Variants in PREX1 observed in about 807,000 individuals in gnomAD.
The protein encoded by PREX1 is phosphatidylinositol-3,4,5-trisphosphate dependent Rac exchange factor 1.
Under a neutral mutation model 198.3 loss-of-function variants are expected in PREX1, and 41 were observed. That is an observed-to-expected ratio of 0.21 (90% CI 0.16 to 0.27). PREX1 has a LOEUF of 0.27. PREX1 is among the 10% of genes least tolerant of loss of function. PREX1 has a pLI of 1.00. For missense variants in PREX1, 1,620 were observed against 2,200.7 expected (o/e 0.74, Z 5.28); for synonymous variants, 843 against 887.2 (o/e 0.95, Z 0.89).
At chr20:48,854,769 T>G in the PREX1 span, among the ~76,000 whole-genome samples, 4 of 152,206 alleles carry the variant, frequency 2.6e-5, no homozygotes, top group African/African-American at 9.6e-5. Context: ...TAGCCCAGGT[T>G]CAGAGACAGT....
intron 1 of PREX1, among the ~76,000 whole-genome samples, chr20:48,813,929 T>C (rs1423181550): frequency 2.0e-5 from 3 of 152,246 alleles, no homozygotes; most frequent in Non-Finnish European, 4.4e-5. Flanking sequence ...CTGTATTTAC[T>C]ACCTTTGTGT....
In PREX1 at chr20:48,700,759, T is replaced by C. The variant is rs773182996; in HGVS notation, c.911A>G (p.Lys304Arg). 1.2e-6 allele frequency: 2 copies of C among 1,612,932 alleles called. No homozygotes were observed. Among genetic ancestry groups the C allele is most frequent in the Admixed American group, 1.7e-5 (1 of 59,994 alleles). Residue 304 changes from lysine (K) to arginine (R), a missense_variant, in exon 7 of 40, where the codon AAA (lysine) becomes AGA (arginine). Lys to Arg is a conservative substitution (Grantham distance 26, BLOSUM62 2). Transcript: ENST00000371941. ...CAGCCTCCTGGCCACTCACCTGGATTTCCGCTTGCAGTAGACGAGAAGGTT... is the reference window on the plus strand; with the variant it reads ...CAGCCTCCTGGCCACTCACCTGGATCTCCGCTTGCAGTAGACGAGAAGGTT... ...FDNLLVYCKR[K>R]SRVTGSKKST...
At chr20:48,733,714 T>TTGTTGTTGTTGTTGC (rs1252968982) in intron 4 of PREX1, among the ~76,000 whole-genome samples, 3 of 151,418 alleles carry the variant, frequency 2.0e-5, no homozygotes, top group African/African-American at 7.4e-5. Flanking sequence ...GCTGTTGTTG[T>TTGTTGTTGTTGTTGC]TGTTGTTGTT....
At chr20:48,868,577 C>T in the PREX1 span, among the ~76,000 whole-genome samples, 2 of 152,150 alleles carry the variant, frequency 1.3e-5, no homozygotes, top group Non-Finnish European at 2.9e-5. Flanking sequence ...GATCCAACTG[C>T]CTCAGCCTCC....
chr20:48,649,354 G>A lies in PREX1; in HGVS notation c.3251C>T (p.Thr1084Ile), dbSNP rs1365506722. ...EIQDAYLQLF[T>I]KLDVALKEMK... ...CTCCTTCAGGGCCACATCCAGCTTG[G>A]TGAAGAGCTGCAGGTAGGCATCCTG... Residue 1084 changes from threonine (T) to isoleucine (I), a missense_variant, in exon 25 of 40, where the codon ACC becomes ATC. Thr to Ile is a moderately conservative substitution (Grantham distance 89, BLOSUM62 -1). Coordinates refer to ENST00000371941, the MANE Select transcript of PREX1 (RefSeq NM_020820.4). The A allele has an allele frequency of 1.9e-6, 3 of 1,614,162 alleles. No individual in the cohort carries two copies. Among genetic ancestry groups the A allele is most frequent in the South Asian group, 1.1e-5 (1 of 91,082 alleles).
At chr20:48,711,829 AT>A (rs2089932851) in intron 5 of PREX1, among the ~76,000 whole-genome samples, 4 of 152,070 alleles carry the variant, frequency 2.6e-5, no homozygotes, top group Middle Eastern at 3.2e-3. Context: ...CAAGGTTCTC[AT>A]GGATGGGGCG....
chr20:48,666,550 G>A lies in PREX1; in HGVS notation c.1666-195C>T, dbSNP rs1472172179. 6.6e-6 allele frequency among the ~76,000 whole-genome samples: 1 copy of A among 152,078 alleles called. No individual in the cohort carries two copies. The highest frequency in any genetic ancestry group is 6.5e-5 in the Admixed American group (1 of 15,274). On this transcript the variant is annotated intron_variant, in intron 14 of 39. Coordinates refer to ENST00000371941, the MANE Select transcript of PREX1 (RefSeq NM_020820.4). This position sits in a 1 kb window ranked among gnomAD's most constrained non-coding sequence, Gnocchi z 4.3. ...TTATTATTATTATTTTTTTGAGACA[G>A]AGTCTCACTCTATCGCCCAGGCTGG...
intron 17 of PREX1, among the ~76,000 whole-genome samples, chr20:48,657,485 C>T (rs1378381363): frequency 4.6e-5 from 7 of 152,214 alleles, no homozygotes; most frequent in Non-Finnish European, 1.0e-4. Flanking sequence ...ACCGGGGTGG[C>T]CATCTTATGT....
chr20:48,807,103 G>A (rs1284655561), intron 1 of PREX1, among the ~76,000 whole-genome samples: 3 of 152,138 alleles, frequency 2.0e-5, no homozygotes, highest in Non-Finnish European at 4.4e-5. Flanking sequence ...TTAAATTATT[G>A]TTAGTCTATA....
chr20:48,834,149 A>C, the PREX1 span, among the ~76,000 whole-genome samples: 3 of 152,092 alleles, frequency 2.0e-5, no homozygotes, highest in Non-Finnish European at 4.4e-5. Flanking sequence ...TTGCTTTCCT[A>C]ATGGAGCAGA....
intron 4 of PREX1, among the ~76,000 whole-genome samples, chr20:48,734,258 T>C (rs897409541): frequency 6.6e-6 from 1 of 152,198 alleles, no homozygotes; most frequent in Non-Finnish European, 1.5e-5. Context: ...TAAAGTTTTA[T>C]TGCCACACAG....
At chr20:48,843,985 A>C in the PREX1 span, among the ~76,000 whole-genome samples, 1 of 152,034 alleles carries the variant, frequency 6.6e-6, no homozygotes, top group Admixed American at 6.5e-5. Context: ...ATTAATTTAA[A>C]AAAAGTTAGC....
At chr20:48,817,175 A>C (rs764197995) in intron 1 of PREX1, among the ~76,000 whole-genome samples, 2 of 152,178 alleles carry the variant, frequency 1.3e-5, no homozygotes, top group Non-Finnish European at 2.9e-5. Flanking sequence ...TTGAGACACC[A>C]ATCTGTTTTT....
At chr20:48,747,278 A>G (rs1461442693) in intron 2 of PREX1, among the ~76,000 whole-genome samples, 4 of 152,210 alleles carry the variant, frequency 2.6e-5, no homozygotes, top group Non-Finnish European at 5.9e-5. Context: ...CCAGGCCTGG[A>G]GAGCCAGGCT....
intron 11 of PREX1, among the ~76,000 whole-genome samples, chr20:48,680,546 C>T (rs899456990): frequency 2.0e-5 from 3 of 152,188 alleles, no homozygotes; most frequent in African/African-American, 4.8e-5. Flanking sequence ...TCTCCTACCA[C>T]GCCCCCTCCT....
At chr20:48,750,859 C>G (rs1229748927) in intron 1 of PREX1, among the ~76,000 whole-genome samples, 1 of 152,190 alleles carries the variant, frequency 6.6e-6, no homozygotes, top group East Asian at 1.9e-4. Context: ...GGTTTGGAAA[C>G]TGGTGAGTCT....
At chr20:48,634,168 A>ATGGATGGATGGATGGACAGACGGATGAT (rs1555829157) in intron 33 of PREX1, among the ~76,000 whole-genome samples, 85 of 107,888 alleles carry the variant, frequency 7.9e-4, no homozygotes, top group African/African-American at 2.1e-3. Context: ...GGATGGATGG[A>ATGGATGGATGGATGGACAGACGGATGAT]TGGATGCATG....
the PREX1 span, among the ~76,000 whole-genome samples, chr20:48,882,525 A>AAGAAAAAG: frequency 1.0e-5 from 1 of 97,814 alleles, no homozygotes; most frequent in Non-Finnish European, 2.0e-5. Context: ...AAAAAAAAAA[A>AAGAAAAAG]AGAGAGAATC....
At chr20:48,634,868 C>CCA (rs2089350225) in intron 32 of PREX1, 93 bp from the exon 33 acceptor site, 10 of 1,102,038 alleles carry the variant, frequency 9.1e-6, no homozygotes, top group Non-Finnish European at 1.4e-5. Context: ...AGTCGGCACT[C>CCA]CACACTGTGG....
Sources: allele counts gnomAD v4.1 joint callset (sites outside exome capture counted in the v4.1 genomes callset), GRCh38; gene constraint gnomAD v4.1.1; non-coding constraint Gnocchi (gnomAD v3.1); transcripts MANE v1.5; gene names NCBI Gene and HGNC (gene_info 2026-07-23, HGNC 2026-07-21).